CR1L: variants seen among roughly 807,000 people sequenced by gnomAD.
CR1L encodes complement C3b/C4b receptor 1 like.
Under a neutral mutation model 62.3 loss-of-function variants are expected in CR1L, and 59 were observed. The ratio of observed to expected loss-of-function variants is 0.95; its 90% CI spans 0.77 to 1.18. The LOEUF (loss-of-function observed/expected upper bound fraction) is 1.18. CR1L is among the 50% of genes most tolerant of loss of function. The pLI is 0.00. For synonymous variants in CR1L, 279 were observed against 248.7 expected (o/e 1.12, Z -1.15); for missense variants, 700 against 702.8 (o/e 1.00, Z 0.04).
At chr1:207,654,763 A>G (rs1277455153) in intron 1 of CR1L, among the ~76,000 whole-genome samples, 1 of 152,198 alleles carries the variant, frequency 6.6e-6, no homozygotes, top group East Asian at 1.9e-4. Flanking sequence ...AGTGAGAGGA[A>G]CTTTAAGTGA....
chr1:207,716,062 A>G (rs115441377), intron 10 of CR1L, among the ~76,000 whole-genome samples: 6,283 of 152,292 alleles, frequency 0.041, 180 homozygotes, highest in Non-Finnish European at 0.065. Flanking sequence ...TTTAGCCTGC[A>G]GTATTGAATG....
rs1663100532 is a variant in CR1L, at chr1:207,645,316, T to A, written c.83T>A (p.Leu28Gln). 1.2e-6 allele frequency: 2 copies of A among 1,613,976 alleles called. No homozygotes were observed. Among genetic ancestry groups the A allele is most frequent in the South Asian group, 2.2e-5 (2 of 91,086 alleles). ...GLLLAALVLLLSSFSDQCNVP... is the reference protein window; with the variant it reads ...GLLLAALVLLQSSFSDQCNVP... ...CTTCTGGCGGCCCTGGTGTTGCTGC[T>A]GTCCTCCTTCTCCGGTAGGACCCCG... Residue 28 changes from leucine (L) to glutamine (Q), a missense_variant, in exon 1 of 12, where the codon CTG (leucine) becomes CAG (glutamine). Coordinates refer to ENST00000508064, the MANE Select transcript of CR1L (RefSeq NM_175710.2).
chr1:207,667,991 A>G (rs1330494230), intron 1 of CR1L, among the ~76,000 whole-genome samples: 1 of 151,252 alleles, frequency 6.6e-6, no homozygotes, highest in African/African-American at 2.5e-5. Context: ...CCTAGTTATC[A>G]GAGCTCTTAT....
At chr1:207,698,075 G>A (rs978114592) in intron 7 of CR1L, among the ~76,000 whole-genome samples, 1 of 152,056 alleles carries the variant, frequency 6.6e-6, no homozygotes, top group African/African-American at 2.4e-5. Context: ...GAGATATGAA[G>A]AGGACACTGG....
At position 207,647,551 on chromosome 1, in the gene CR1L, G is replaced by A. The variant is rs986533180; in HGVS notation, c.97+2221G>A. 6.6e-5 allele frequency among the ~76,000 whole-genome samples: 10 copies of A among 152,182 alleles called. No individual in the cohort carries two copies. In the East Asian group the frequency reaches 1.9e-3, roughly 29 times the overall value. On this transcript the variant is annotated intron_variant, in intron 1 of 11. Transcript: ENST00000508064. ...TCTTCCCCCATTTGTGGTTCCAAAA[G>A]CCCCATTTGTTTGCTTCTGTATGAA...
intron 3 of CR1L, among the ~76,000 whole-genome samples, chr1:207,678,767 C>CA (rs577627839): frequency 3.7e-4 from 56 of 152,228 alleles, no homozygotes; most frequent in Non-Finnish European, 6.9e-4. Context: ...GCTGGAAGTA[C>CA]AAAATCAAGA....
At chr1:207,715,501 CT>C in intron 10 of CR1L, 1 of 639,762 alleles carries the variant, frequency 1.6e-6, no homozygotes, top group East Asian at 4.1e-5. Context: ...AACTAAATTA[CT>C]GATTAAAATA....
At chr1:207,712,323 A>G (rs1664372141) in intron 10 of CR1L, among the ~76,000 whole-genome samples, 1 of 152,248 alleles carries the variant, frequency 6.6e-6, no homozygotes, top group African/African-American at 2.4e-5. Flanking sequence ...CACCAATACT[A>G]ATAACTCCAC....
chr1:207,704,364 T>C (rs999584629), intron 9 of CR1L, among the ~76,000 whole-genome samples: 1 of 152,056 alleles, frequency 6.6e-6, no homozygotes. Flanking sequence ...TGAGGTGGAG[T>C]CTCTTCCTGG....
At chr1:207,655,362 A>G (rs12084578) in intron 1 of CR1L, 7,729 of 378,724 alleles carry the variant, frequency 0.02, 573 homozygotes, top group African/African-American at 0.15. Context: ...ACATTTTAAG[A>G]TTAACAAAGA....
intron 10 of CR1L, among the ~76,000 whole-genome samples, chr1:207,716,450 A>T (rs1370044954): frequency 2.0e-5 from 3 of 152,194 alleles, no homozygotes; most frequent in Non-Finnish European, 4.4e-5. Flanking sequence ...ACATACTAAG[A>T]CATTACTGAT....
chr1:207,645,184 C>A lies in CR1L; in HGVS notation c.-50C>A, dbSNP rs760130550. On this transcript the variant is annotated 5_prime_UTR_variant, in exon 1 of 12. Transcript: ENST00000508064. ...GGGACTTCCCTGCTCGGCTGGCTTT[C>A]GGTTTCTCTGCTCACCTCCGGATAA... 2 of 1,590,294 alleles carry A rather than the reference C, an allele frequency of 1.3e-6. No homozygotes were observed. The highest frequency in any genetic ancestry group is 1.7e-6 in the Non-Finnish European group (2 of 1,162,406).
intron 3 of CR1L, among the ~76,000 whole-genome samples, chr1:207,683,164 T>C (rs1235938395): frequency 6.6e-6 from 1 of 151,246 alleles, no homozygotes; most frequent in Non-Finnish European, 1.5e-5. Flanking sequence ...ACTGACAAGG[T>C]CTTGCTTTAT....
At chr1:207,651,255 G>A (rs959971405) in intron 1 of CR1L, among the ~76,000 whole-genome samples, 2 of 149,198 alleles carry the variant, frequency 1.3e-5, no homozygotes, top group African/African-American at 5.0e-5. Context: ...GTTTTTCTGG[G>A]GGTAGGCATG....
chr1:207,679,529 T>C (rs1335940986), intron 3 of CR1L, among the ~76,000 whole-genome samples: 1 of 152,144 alleles, frequency 6.6e-6, no homozygotes, highest in Non-Finnish European at 1.5e-5. Flanking sequence ...GAAAGACATT[T>C]TGGCAGTTTT....
At position 207,717,591 on chromosome 1, in the gene CR1L, CA is replaced by C; in HGVS notation, c.1544del (p.Asn515ThrfsTer40). ...CCCACCCAGACAGAGGGATGACCTTCAACCTCATTGGGGAGAGCACCATCCG... is the reference window on the plus strand; with the variant it reads ...CCCACCCAGACAGAGGGATGACCTTCACCTCATTGGGGAGAGCACCATCCG... ...DPHPDRGMTF[N>X]LIGESTIRRT... is the part of the protein sequence containing the mutation. On this transcript the variant is annotated frameshift_variant, in exon 11 of 12. Coordinates refer to ENST00000508064, the MANE Select transcript of CR1L (RefSeq NM_175710.2). LOFTEE classifies it high-confidence loss of function. 1 of 1,614,002 alleles carries C rather than the reference CA, an allele frequency of 6.2e-7. No individual in the cohort carries two copies. The highest frequency in any genetic ancestry group is 8.5e-7 in the Non-Finnish European group (1 of 1,179,888).
intron 10 of CR1L, among the ~76,000 whole-genome samples, chr1:207,713,927 T>C (rs1194883177): frequency 6.6e-6 from 1 of 152,124 alleles, no homozygotes; most frequent in Admixed American, 6.5e-5. Context: ...TTGGCCTGCA[T>C]CTCCAGGGCT....
chr1:207,675,554 C>A (rs533689041), intron 1 of CR1L, among the ~76,000 whole-genome samples: 52 of 152,176 alleles, frequency 3.4e-4, no homozygotes, highest in African/African-American at 1.1e-3. Flanking sequence ...GTGAGGGGAC[C>A]CAGTGGTAAG....
intron 3 of CR1L, among the ~76,000 whole-genome samples, chr1:207,680,494 G>C (rs771182384): frequency 6.6e-6 from 1 of 152,016 alleles, no homozygotes; most frequent in Non-Finnish European, 1.5e-5. Context: ...GGATCTTTCT[G>C]TGCTATTCCC....
Sources: gnomAD v4.1 joint callset for allele counts (sites outside exome capture counted in the v4.1 genomes callset) on GRCh38, gnomAD v4.1.1 for gene constraint, MANE v1.5 for transcripts, NCBI Gene and HGNC (gene_info 2026-07-23, HGNC 2026-07-21) for gene names.